Variants in APPL1 observed in about 807,000 individuals in gnomAD.
APPL1 encodes the protein DCC-interacting protein 13-alpha.
A neutral mutation model predicts 106.8 loss-of-function variants in APPL1; 42 were observed. The ratio of observed to expected loss-of-function variants is 0.39; its 90% CI spans 0.31 to 0.51. The LOEUF is 0.51. Ranked by LOEUF, APPL1 falls within the 20% of genes least tolerant of loss-of-function variation. APPL1 has a pLI of 0.75. For synonymous variants in APPL1, 263 were observed against 281.8 expected (o/e 0.93, Z 0.67); for missense variants, 769 against 858.2 (o/e 0.90, Z 1.30).
intron 1 of APPL1, among the ~76,000 whole-genome samples, chr3:57,231,231 C>T (rs944820061): frequency 7.0e-5 from 10 of 142,608 alleles, no homozygotes; most frequent in African/African-American, 2.1e-4. Flanking sequence ...CCCAGCTACT[C>T]GGGAAGCTGA....
intron 11 of APPL1, among the ~76,000 whole-genome samples, chr3:57,251,847 A>G (rs1195193873): frequency 1.3e-5 from 2 of 152,216 alleles, no homozygotes; most frequent in African/African-American, 2.4e-5. Context: ...AGTGATTAAC[A>G]TTGAAATATT....
In APPL1 at chr3:57,242,837, A is replaced by C. The variant is rs1193728631; in HGVS notation, c.416-19A>C. 1 of 1,588,576 alleles carries C rather than the reference A, an allele frequency of 6.3e-7. No homozygotes were observed. The highest frequency in any genetic ancestry group is 2.2e-5 in the East Asian group (1 of 44,708). On this transcript the variant is annotated intron_variant, in intron 6 of 21. Coordinates refer to ENST00000288266, the MANE Select transcript of APPL1 (RefSeq NM_012096.3). ...TGAAAAGTACTGTTGTATTGTTAAC[A>C]CTCATTTCTTTTTTCCAGATCATGA... is the stretch of plus-strand genomic sequence containing the variant.
At position 57,228,439 on chromosome 3, in the gene APPL1, G is replaced by A. The variant is rs1231688380; in HGVS notation, c.54+502G>A. ...GTGGAGCCCTAATGGCAAAGCCCGT[G>A]ACGGGTCCCGGAGCCCAAGACCGCT... On this transcript the variant is annotated intron_variant, in intron 1 of 21. Coordinates refer to ENST00000288266, the MANE Select transcript of APPL1 (RefSeq NM_012096.3). The surrounding 1 kb of genome is among the most constrained non-coding windows in gnomAD (Gnocchi z 4.6). Among the ~76,000 whole-genome samples, 1 of 152,232 alleles carries A rather than the reference G, an allele frequency of 6.6e-6. No individual in the cohort carries two copies. The highest frequency in any genetic ancestry group is 1.5e-5 in the Non-Finnish European group (1 of 68,046).
At chr3:57,261,068 G>C (rs1218200418) in intron 19 of APPL1, among the ~76,000 whole-genome samples, 1 of 151,988 alleles carries the variant, frequency 6.6e-6, no homozygotes, top group Non-Finnish European at 1.5e-5. Context: ...CGTAATTTAT[G>C]GTTGTACCCT....
At chr3:57,246,945 G>T (rs1174130733) in intron 8 of APPL1, among the ~76,000 whole-genome samples, 1 of 150,030 alleles carries the variant, frequency 6.7e-6, no homozygotes, top group African/African-American at 2.4e-5. Context: ...TGAGGCTGCA[G>T]TGAGGTTTTA....
intron 2 of APPL1, among the ~76,000 whole-genome samples, chr3:57,236,232 C>T (rs1216700301): frequency 6.6e-6 from 1 of 151,720 alleles, no homozygotes; most frequent in Non-Finnish European, 1.5e-5. Context: ...TTAGTAGAGA[C>T]AGGGTTTCTC....
At chr3:57,242,228 T>A (rs2060749893) in intron 6 of APPL1, 86 bp downstream of exon 6, 5 of 1,054,168 alleles carry the variant, frequency 4.7e-6, no homozygotes, top group Admixed American at 2.9e-5. Flanking sequence ...TTTGTAATAA[T>A]TGAAAAAAAA....
At chr3:57,245,989 T>C (rs2060771603) in intron 7 of APPL1, 87 bp from the exon 8 acceptor site, 9 of 925,096 alleles carry the variant, frequency 9.7e-6, no homozygotes, top group Non-Finnish European at 1.2e-5. Flanking sequence ...GGTAGGCTCT[T>C]CTCCACAGCT....
chr3:57,237,919 G>T, intron 3 of APPL1, 126 bp from the exon 4 acceptor site: 1 of 667,994 alleles, frequency 1.5e-6, no homozygotes, highest in South Asian at 2.2e-5. Context: ...TTAGTTAAAT[G>T]ATATTTTAGA....
chr3:57,260,060 T>A (rs749812889), intron 17 of APPL1, 41 bp downstream of exon 17: 1 of 1,607,380 alleles, frequency 6.2e-7, no homozygotes, highest in African/African-American at 1.3e-5. Context: ...GAAAAAACAT[T>A]TACATGATTT....
chr3:57,227,852 G>T lies in APPL1; in HGVS notation c.-32G>T. On this transcript the variant is annotated 5_prime_UTR_variant, in exon 1 of 22. Coordinates refer to ENST00000288266, the MANE Select transcript of APPL1 (RefSeq NM_012096.3). ...GCGCGGGGAGCTGTGGGCGGCAGCT[G>T]CGTCTCCTGCCACCGCCCTCCCTCC... 1.4e-6 allele frequency: 2 copies of T among 1,452,948 alleles called. No individual in the cohort carries two copies. Among genetic ancestry groups the T allele is most frequent in the Non-Finnish European group, 1.8e-6 (2 of 1,099,920 alleles). 90.0% of individuals were successfully genotyped at this position (1,452,948 alleles called of 1,614,324 possible).
At chr3:57,233,933 AAGT>A (rs1338355398) in intron 1 of APPL1, among the ~76,000 whole-genome samples, 2 of 151,952 alleles carry the variant, frequency 1.3e-5, no homozygotes, top group Admixed American at 6.6e-5. Context: ...AATAGAAAAA[AAGT>A]AGCCAGACAT....
intron 9 of APPL1, 152 bp from the exon 10 acceptor site, chr3:57,248,041 C>T: frequency 1.4e-6 from 1 of 694,318 alleles, no homozygotes. Context: ...AACTGTAAAC[C>T]TGTTTTAAAA....
At chr3:57,261,047 A>G (rs1421697780) in intron 19 of APPL1, among the ~76,000 whole-genome samples, 1 of 152,080 alleles carries the variant, frequency 6.6e-6, no homozygotes, top group African/African-American at 2.4e-5. Flanking sequence ...TATTAAATAT[A>G]TTCTTTCTAT....
chr3:57,246,001 C>G (rs2107601973), intron 7 of APPL1, 75 bp from the exon 8 acceptor site: 2 of 1,093,340 alleles, frequency 1.8e-6, no homozygotes, highest in East Asian at 2.9e-5. Flanking sequence ...TCCACAGCTC[C>G]TACTGAAGAT....
intron 16 of APPL1, among the ~76,000 whole-genome samples, chr3:57,259,336 C>T (rs1399246692): frequency 6.6e-6 from 1 of 152,160 alleles, no homozygotes; most frequent in Non-Finnish European, 1.5e-5. Context: ...ACCTTTCAAG[C>T]TTTTCCTAAC....
In APPL1 at chr3:57,253,749, T is replaced by C; in HGVS notation, c.1152+11T>C. 2.1e-6 allele frequency: 3 copies of C among 1,412,938 alleles called. No individual in the cohort carries two copies. The highest frequency in any genetic ancestry group is 1.9e-6 in the Non-Finnish European group (2 of 1,072,980). 87.5% of individuals were successfully genotyped at this position (1,412,938 alleles called of 1,614,324 possible). ...AGTGAAAATCCAGAGGTAATATTTT[T>C]ATTTTATGTTACCCAGATCTAGCAA... On this transcript the variant is annotated intron_variant, in intron 13 of 21. Transcript: ENST00000288266.
Position 57,246,141 on chromosome 3 carries a change from T to G in APPL1, c.540T>G (p.His180Gln). 6.2e-7 allele frequency: 1 copy of G among 1,612,184 alleles called. No homozygotes were observed. Among genetic ancestry groups the G allele is most frequent in the Non-Finnish European group, 8.5e-7 (1 of 1,178,792 alleles). ...AGAAACAACACCAGACCATGATGCA[T>G]TATTTTTGTGCATTAAATACTCTTC... Reference protein sequence around the residue: ...SRKKQHQTMMHYFCALNTLQY... With the variant: ...SRKKQHQTMMQYFCALNTLQY... The change falls in exon 8 of 22, where the codon CAT becomes CAG. Residue 180 changes from histidine (H) to glutamine (Q), a missense_variant. Transcript: ENST00000288266.
chr3:57,249,590 A>G (rs752230694), intron 11 of APPL1, 42 bp downstream of exon 11: 22 of 1,428,888 alleles, frequency 1.5e-5, no homozygotes, highest in Middle Eastern at 2.0e-4. Flanking sequence ...ATAGTATATT[A>G]AACTTCTGAA....
Sources: gnomAD v4.1 joint callset for allele counts (sites outside exome capture counted in the v4.1 genomes callset) on GRCh38, gnomAD v4.1.1 for gene constraint, Gnocchi (gnomAD v3.1) non-coding constraint, MANE v1.5 for transcripts, NCBI Gene and HGNC (gene_info 2026-07-23, HGNC 2026-07-21) for gene names.